Variants in PEPD observed in about 807,000 individuals in gnomAD.
The protein encoded by PEPD is peptidase D, also known as xaa-Pro dipeptidase.
In PEPD, 53 loss-of-function variants were observed where a neutral mutation model predicts 60.7. The observed-to-expected ratio is 0.87, with a 90% CI of 0.70 to 1.10. PEPD has a LOEUF of 1.10. Ranked by LOEUF, PEPD falls within the 50% of genes least tolerant of loss-of-function variation. The pLI is 0.00. For synonymous variants in PEPD, 267 were observed against 284.1 expected (o/e 0.94, Z 0.60); for missense variants, 711 against 711.9 (o/e 1.00, Z 0.01).
intron 9 of PEPD, among the ~76,000 whole-genome samples, chr19:33,447,118 G>A (rs1405114964): frequency 2.0e-5 from 3 of 152,224 alleles, no homozygotes; most frequent in Non-Finnish European, 4.4e-5. Context: ...TGCTTCTGAA[G>A]GTTGTGACAT....
chr19:33,496,338 C>T (rs1050444886), intron 4 of PEPD, among the ~76,000 whole-genome samples: 10 of 152,100 alleles, frequency 6.6e-5, no homozygotes, highest in Admixed American at 2.0e-4. Flanking sequence ...CCTTGCAGCC[C>T]GGTGCTCAGA....
intron 9 of PEPD, among the ~76,000 whole-genome samples, chr19:33,429,005 C>T (rs1057469567): frequency 3.3e-5 from 5 of 152,250 alleles, no homozygotes; most frequent in Admixed American, 3.3e-4. Context: ...TCTTTCTGGG[C>T]ACATATCTTA....
intron 9 of PEPD, among the ~76,000 whole-genome samples, chr19:33,460,956 C>G (rs934599585): frequency 2.0e-5 from 3 of 152,186 alleles, no homozygotes; most frequent in African/African-American, 7.2e-5. Context: ...GTTCACGACA[C>G]CCTGCTTCCA....
Position 33,500,942 on chromosome 19 carries a change from T to G in PEPD, c.389A>C (p.Asp130Ala), listed in dbSNP as rs1368615976. 1.9e-6 allele frequency: 3 copies of G among 1,589,132 alleles called. No individual in the cohort carries two copies. In the South Asian group the frequency reaches 3.3e-5, roughly 18 times the overall value. ...GAGGAGGAGCCGGCTACCCACCTCA[T>G]CTACGTACTGGACGTCGTCCACGGC... ...KYAVDDVQYVDEIASVLTSQK... is the reference protein window; with the variant it reads ...KYAVDDVQYVAEIASVLTSQK... The change falls in exon 4 of 15, where the codon GAT (aspartate) becomes GCT (alanine). Residue 130 changes from aspartate to alanine, a missense_variant. By Grantham distance (126) the Asp-to-Ala change is moderately radical (BLOSUM62 -2). Transcript: ENST00000244137.
At chr19:33,413,494 G>T in intron 10 of PEPD, 81 bp downstream of exon 10, 1 of 792,588 alleles carries the variant, frequency 1.3e-6, no homozygotes, top group East Asian at 2.7e-5. Context: ...CTGAGCTGGG[G>T]GATGGTGGAG....
intron 6 of PEPD, among the ~76,000 whole-genome samples, chr19:33,479,078 G>C (rs1207551737): frequency 6.6e-6 from 1 of 152,090 alleles, no homozygotes; most frequent in Non-Finnish European, 1.5e-5. Flanking sequence ...ATGAGGAAAA[G>C]GAGACATATA....
chr19:33,401,197 G>C (rs1214205723), intron 12 of PEPD, among the ~76,000 whole-genome samples: 2 of 152,216 alleles, frequency 1.3e-5, no homozygotes, highest in African/African-American at 2.4e-5. Context: ...ACCCCTGCAG[G>C]GCACTACCAC....
chr19:33,458,540 T>G (rs1167981404), intron 9 of PEPD, among the ~76,000 whole-genome samples: 1 of 145,538 alleles, frequency 6.9e-6, no homozygotes, highest in Non-Finnish European at 1.5e-5. Flanking sequence ...GTGTGGTGTG[T>G]GTGTGGTGTG....
chr19:33,453,317 A>AAAATAAATAAATAAATAAATAAATAAAT (rs146067299), intron 9 of PEPD, among the ~76,000 whole-genome samples: 43 of 148,754 alleles, frequency 2.9e-4, no homozygotes, highest in African/African-American at 1.0e-3. Flanking sequence ...CTGTCATAAA[A>AAAATAAATAAATAAATAAATAAATAAAT]AAATAAATAA....
intron 13 of PEPD, chr19:33,388,374 C>G (rs1263685351): frequency 1.7e-6 from 1 of 590,140 alleles, no homozygotes; most frequent in South Asian, 1.8e-5. Flanking sequence ...CCCAGACAGG[C>G]CTGTGGGGCT....
intron 10 of PEPD, among the ~76,000 whole-genome samples, chr19:33,412,066 G>A (rs903438166): frequency 2.6e-4 from 40 of 152,368 alleles, no homozygotes; most frequent in African/African-American, 8.2e-4. Context: ...GCAATGGGCC[G>A]GGTGTGGTGG....
intron 5 of PEPD, 127 bp from the exon 6 acceptor site, chr19:33,490,184 A>G: frequency 1.4e-6 from 1 of 706,742 alleles, no homozygotes; most frequent in East Asian, 2.7e-5. Context: ...CCCCCAACAG[A>G]TGAGCCACCC....
chr19:33,392,649 C>T (rs181321179), intron 12 of PEPD, among the ~76,000 whole-genome samples: 1 of 152,236 alleles, frequency 6.6e-6, no homozygotes, highest in South Asian at 2.1e-4. Context: ...GGCGGAGTGA[C>T]CTTGGCTCCC....
At chr19:33,410,321 C>T (rs569966343) in intron 11 of PEPD, among the ~76,000 whole-genome samples, 3 of 152,352 alleles carry the variant, frequency 2.0e-5, no homozygotes, top group African/African-American at 4.8e-5. Flanking sequence ...GCGGGGAGCC[C>T]GGGCAGTCTC....
rs946178721 is a variant in PEPD, at chr19:33,483,405, C to T, written c.504-5315G>A. ...ATCAGGTCAGAGCACATCTCTGACA[C>T]AAGAGAACCCTGTGTGACACAGAGC... On this transcript the variant is annotated intron_variant, in intron 6 of 14. Transcript: ENST00000244137. Among the ~76,000 whole-genome samples the T allele has an allele frequency of 2.0e-5, 3 of 152,176 alleles. No homozygotes were observed. In the East Asian group the frequency reaches 5.8e-4, roughly 29 times the overall value.
At chr19:33,477,500 C>T (rs910281188) in intron 7 of PEPD, among the ~76,000 whole-genome samples, 10 of 152,210 alleles carry the variant, frequency 6.6e-5, no homozygotes, top group Admixed American at 1.3e-4. Flanking sequence ...AAACTGGTGG[C>T]ACACTGGGAT....
At chr19:33,471,362 C>A (rs971931402) in intron 7 of PEPD, among the ~76,000 whole-genome samples, 2 of 152,176 alleles carry the variant, frequency 1.3e-5, no homozygotes, top group African/African-American at 4.8e-5. Flanking sequence ...ACACCAGAAA[C>A]TGTTTTTAAG....
chr19:33,412,189 CA>C (rs1215984393), intron 10 of PEPD, among the ~76,000 whole-genome samples: 1 of 151,554 alleles, frequency 6.6e-6, no homozygotes, highest in Non-Finnish European at 1.5e-5. Flanking sequence ...ACAGAAAATG[CA>C]AAAAAAATTA....
chr19:33,498,069 G>A (rs574547625), intron 4 of PEPD, among the ~76,000 whole-genome samples: 8 of 151,898 alleles, frequency 5.3e-5, no homozygotes, highest in African/African-American at 1.5e-4. Flanking sequence ...TGTCCCTCCC[G>A]CAGCGGGAGG....
Sources: allele counts gnomAD v4.1 joint callset (sites outside exome capture counted in the v4.1 genomes callset), GRCh38; gene constraint gnomAD v4.1.1; transcripts MANE v1.5; gene names NCBI Gene and HGNC (gene_info 2026-07-23, HGNC 2026-07-21).